Variants in TENM3 observed in about 807,000 individuals in gnomAD.
The protein encoded by TENM3 is teneurin-3.
Under a neutral mutation model 255.1 loss-of-function variants are expected in TENM3, and 63 were observed. The observed-to-expected ratio is 0.25, with a 90% CI of 0.20 to 0.30. The LOEUF (loss-of-function observed/expected upper bound fraction) is 0.30, where lower values mean the gene tolerates loss of function less well. Ranked by LOEUF, TENM3 falls within the 10% of genes least tolerant of loss-of-function variation. TENM3 has a pLI of 1.00. For missense variants in TENM3, 2,929 were observed against 3,461.1 expected (o/e 0.85, Z 3.86); for synonymous variants, 1,306 against 1,322.3 (o/e 0.99, Z 0.27).
Position 182,797,044 on chromosome 4 carries a change from G to A in TENM3, c.7344+277G>A, listed in dbSNP as rs114622256. On this transcript the variant is annotated intron_variant, in intron 27 of 27. Coordinates refer to ENST00000511685, the MANE Select transcript of TENM3 (RefSeq NM_001080477.4). ...TTTCTAAAAAGAACCCCAAGAAAGC[G>A]TGGACCTGAAGGCAAAAATACAATA... 3.4e-3 allele frequency among the ~76,000 whole-genome samples: 518 copies of A among 152,290 alleles called. 4 individuals carry two copies. Among genetic ancestry groups the A allele is most frequent in the African/African-American group, 0.012 (500 of 41,560 alleles).
At chr4:182,257,903 C>T (rs1579923180) in intron 1 of TENM3, among the ~76,000 whole-genome samples, 1 of 152,142 alleles carries the variant, frequency 6.6e-6, no homozygotes, top group Non-Finnish European at 1.5e-5. Flanking sequence ...TTATATCATA[C>T]TGCCTTCCCC....
At chr4:181,566,517 T>C in the TENM3 span, among the ~76,000 whole-genome samples, 1 of 152,080 alleles carries the variant, frequency 6.6e-6, no homozygotes, top group African/African-American at 2.4e-5. Flanking sequence ...TACCATCAGT[T>C]TGAGATTTTC....
chr4:182,374,575 C>G (rs1253142227), intron 3 of TENM3, among the ~76,000 whole-genome samples: 1 of 152,146 alleles, frequency 6.6e-6, no homozygotes, highest in African/African-American at 2.4e-5. Context: ...CAAATCACTT[C>G]CAAAATTTCA....
At chr4:182,252,210 G>A (rs943191091) in intron 1 of TENM3, among the ~76,000 whole-genome samples, 2 of 151,818 alleles carry the variant, frequency 1.3e-5, no homozygotes, top group Non-Finnish European at 2.9e-5. Context: ...AAAAAATGTG[G>A]TTGCTGAGAA....
chr4:182,090,624 C>A, the TENM3 span, among the ~76,000 whole-genome samples: 4 of 152,108 alleles, frequency 2.6e-5, no homozygotes, highest in Admixed American at 2.6e-4. Flanking sequence ...CATATATATA[C>A]GTGTACATAT....
At chr4:182,015,550 T>TTTTTTTTA in the TENM3 span, among the ~76,000 whole-genome samples, 3 of 150,102 alleles carry the variant, frequency 2.0e-5, no homozygotes, top group East Asian at 1.9e-4. Context: ...TGATTTTAAT[T>TTTTTTTTA]TTTATTTATT....
intron 12 of TENM3, among the ~76,000 whole-genome samples, chr4:182,697,701 A>G (rs895773292): frequency 1.1e-4 from 16 of 152,100 alleles, no homozygotes; most frequent in East Asian, 5.8e-4. Context: ...GCCTTCCAAT[A>G]CTGTTTTTCT....
the TENM3 span, among the ~76,000 whole-genome samples, chr4:181,852,282 T>C: frequency 1.3e-5 from 2 of 152,200 alleles, no homozygotes; most frequent in African/African-American, 4.8e-5. Flanking sequence ...AGAGAGAACT[T>C]AATGTCAGAA....
the TENM3 span, among the ~76,000 whole-genome samples, chr4:181,629,765 G>A: frequency 5.3e-5 from 8 of 152,232 alleles, no homozygotes; most frequent in East Asian, 1.9e-4. Context: ...TTTTTGCATC[G>A]ATGTTCATCA....
At chr4:182,734,911 T>C (rs776385528) in intron 16 of TENM3, among the ~76,000 whole-genome samples, 22 of 152,314 alleles carry the variant, frequency 1.4e-4, no homozygotes, top group Admixed American at 3.3e-4. Context: ...CCCTTACTCA[T>C]GGAAAACCTG....
intron 12 of TENM3, among the ~76,000 whole-genome samples, chr4:182,702,881 C>T (rs1025527501): frequency 2.0e-5 from 3 of 151,430 alleles, no homozygotes; most frequent in African/African-American, 4.9e-5. Context: ...GGACTACAGG[C>T]GCCCACCACC....
the TENM3 span, among the ~76,000 whole-genome samples, chr4:182,029,752 T>C: frequency 6.6e-6 from 1 of 152,162 alleles, no homozygotes; most frequent in Non-Finnish European, 1.5e-5. Flanking sequence ...TATCCTTGTA[T>C]TCATATGAAG....
At chr4:181,667,193 C>T in the TENM3 span, among the ~76,000 whole-genome samples, 1 of 152,134 alleles carries the variant, frequency 6.6e-6, no homozygotes, top group Non-Finnish European at 1.5e-5. Context: ...TACCTCTGTG[C>T]CCTCATCAGG....
At chr4:182,712,622 G>A (rs1315379633) in intron 12 of TENM3, among the ~76,000 whole-genome samples, 1 of 152,088 alleles carries the variant, frequency 6.6e-6, no homozygotes, top group East Asian at 1.9e-4. Flanking sequence ...TCTTCTTTCT[G>A]TTAACTCTAA....
the TENM3 span, among the ~76,000 whole-genome samples, chr4:182,105,682 G>T: frequency 6.6e-6 from 1 of 152,182 alleles, no homozygotes; most frequent in South Asian, 2.1e-4. Context: ...TACATAGAGC[G>T]TTGCCAACCA....
At chr4:182,632,460 T>C (rs1036196821) in intron 5 of TENM3, among the ~76,000 whole-genome samples, 3 of 152,214 alleles carry the variant, frequency 2.0e-5, no homozygotes, top group African/African-American at 4.8e-5. Flanking sequence ...TTTTTAACTT[T>C]TGCCAATCTC....
the TENM3 span, among the ~76,000 whole-genome samples, chr4:181,613,378 G>A: frequency 2.0e-5 from 3 of 152,332 alleles, no homozygotes; most frequent in Admixed American, 6.5e-5. Context: ...CACCAGCTGC[G>A]GGAATGTAGG....
At chr4:182,195,023 TCACACACACACACACACACACA>T (rs70954299) in intron 1 of TENM3, among the ~76,000 whole-genome samples, 18 of 146,974 alleles carry the variant, frequency 1.2e-4, no homozygotes, top group Admixed American at 7.5e-4. Context: ...ACAGTCTCTA[TCACACACACACACACACACACA>T]CACACACACA....
At chr4:182,677,792 G>T (rs549149270) in intron 7 of TENM3, among the ~76,000 whole-genome samples, 1 of 152,072 alleles carries the variant, frequency 6.6e-6, no homozygotes, top group South Asian at 2.1e-4. Context: ...AAAAATTTTA[G>T]TAAGTCAGAA....
Sources: allele counts gnomAD v4.1 joint callset (sites outside exome capture counted in the v4.1 genomes callset), GRCh38; gene constraint gnomAD v4.1.1; transcripts MANE v1.5; gene names NCBI Gene and HGNC (gene_info 2026-07-23, HGNC 2026-07-21).